UNC5D: variants seen among roughly 807,000 people sequenced by gnomAD.
The protein encoded by UNC5D is netrin receptor UNC5D.
UNC5D carries 39 observed loss-of-function variants against 105.4 expected under a neutral mutation model. That is an observed-to-expected ratio of 0.37 (90% CI 0.29 to 0.48). The LOEUF is 0.48. Among genes scored for constraint, UNC5D ranks in the 20% least tolerant of loss-of-function variants. UNC5D has a pLI of 0.98. For synonymous variants in UNC5D, 452 were observed against 450.4 expected (o/e 1.00, Z -0.04); for missense variants, 991 against 1,202.4 (o/e 0.82, Z 2.60).
intron 1 of UNC5D, among the ~76,000 whole-genome samples, chr8:35,448,854 A>C (rs2128989438): frequency 6.6e-6 from 1 of 152,274 alleles, no homozygotes; most frequent in Non-Finnish European, 1.5e-5. Context: ...ATAAGTGAGA[A>C]CATGCAGTAT....
intron 1 of UNC5D, among the ~76,000 whole-genome samples, chr8:35,282,301 C>G (rs1394962513): frequency 6.6e-6 from 1 of 152,102 alleles, no homozygotes; most frequent in Non-Finnish European, 1.5e-5. Context: ...TTTCTTTGTA[C>G]CTGTTTACTG....
At chr8:35,361,572 C>T (rs1015906341) in intron 1 of UNC5D, among the ~76,000 whole-genome samples, 1 of 152,146 alleles carries the variant, frequency 6.6e-6, no homozygotes, top group Non-Finnish European at 1.5e-5. Flanking sequence ...GGGGTATTGA[C>T]TGTCATTGAC....
At chr8:35,333,127 T>C (rs879755505) in intron 1 of UNC5D, among the ~76,000 whole-genome samples, 2 of 152,090 alleles carry the variant, frequency 1.3e-5, no homozygotes, top group African/African-American at 2.4e-5. Flanking sequence ...GTGAGAGGAC[T>C]GCCTGAGGCC....
At chr8:35,311,218 T>A (rs1808854914) in intron 1 of UNC5D, among the ~76,000 whole-genome samples, 1 of 152,156 alleles carries the variant, frequency 6.6e-6, no homozygotes, top group African/African-American at 2.4e-5. Context: ...GAAGTGGGAA[T>A]GTGTGCAGGG....
In UNC5D at chr8:35,637,297, A is replaced by C. The variant is rs56065198; in HGVS notation, c.570+41640A>C. On this transcript the variant is annotated intron_variant, in intron 4 of 16. Coordinates refer to ENST00000404895, the MANE Select transcript of UNC5D (RefSeq NM_080872.4). ...TAGGGTCACAAAGAGACTCTAGCAC[A>C]ACTAGGATCAATTGTCATACCAATC... Among the ~76,000 whole-genome samples, 882 of 152,324 alleles carry C rather than the reference A, an allele frequency of 5.8e-3. 9 individuals are homozygous for C. Among genetic ancestry groups the C allele is most frequent in the Middle Eastern group, 0.017 (5 of 294 alleles).
intron 3 of UNC5D, among the ~76,000 whole-genome samples, chr8:35,591,418 A>G (rs1430858173): frequency 6.6e-6 from 1 of 152,160 alleles, no homozygotes; most frequent in Non-Finnish European, 1.5e-5. Context: ...GTTAAAATTA[A>G]CAGTTTCAAC....
Position 35,765,885 on chromosome 8 carries a change from A to G in UNC5D, c.2314-1017A>G, listed in dbSNP as rs142915641. On this transcript the variant is annotated intron_variant, in intron 14 of 16. Transcript: ENST00000404895. ...GCAATAGGTAAAGGAGCAAACTAAT[A>G]AGGTGAGAAATAGAGAAAAAAGTGA... is the stretch of plus-strand genomic sequence containing the variant. Among the ~76,000 whole-genome samples the G allele has an allele frequency of 6.2e-4, 95 of 152,314 alleles. No individual in the cohort carries two copies. The East Asian group carries it at 0.018, about 28-fold the overall frequency.
intron 1 of UNC5D, among the ~76,000 whole-genome samples, chr8:35,286,176 A>G (rs1030982412): frequency 6.6e-6 from 1 of 152,210 alleles, no homozygotes; most frequent in Non-Finnish European, 1.5e-5. Flanking sequence ...CAATCAATAT[A>G]TATGACTTTA....
chr8:35,708,069 A>C (rs754170660), intron 8 of UNC5D, among the ~76,000 whole-genome samples: 4 of 152,156 alleles, frequency 2.6e-5, no homozygotes, highest in Non-Finnish European at 5.9e-5. Flanking sequence ...ATGAATCATC[A>C]CTAATGCAAA....
chr8:35,587,557 G>A (rs1304358102), intron 3 of UNC5D, among the ~76,000 whole-genome samples: 2 of 152,112 alleles, frequency 1.3e-5, no homozygotes, highest in African/African-American at 4.8e-5. Context: ...CAGAACCAGT[G>A]AAAAGTTTTG....
At chr8:35,316,028 T>G (rs902142057) in intron 1 of UNC5D, among the ~76,000 whole-genome samples, 2 of 152,236 alleles carry the variant, frequency 1.3e-5, no homozygotes, top group Admixed American at 6.5e-5. Context: ...TCGAGCTACA[T>G]GATGGAGAAT....
chr8:35,454,223 G>T (rs569822835), intron 1 of UNC5D, among the ~76,000 whole-genome samples: 1 of 152,224 alleles, frequency 6.6e-6, no homozygotes, highest in Admixed American at 6.5e-5. Context: ...TTAGCTGGGG[G>T]AGGGGGAAGT....
intron 1 of UNC5D, among the ~76,000 whole-genome samples, chr8:35,305,597 C>CTTTCTTTCTTTCTTTCTTTCTTTCTTTCA (rs1808313689): frequency 1.6e-4 from 14 of 86,786 alleles, no homozygotes; most frequent in African/African-American, 3.9e-4. Flanking sequence ...TTCTTTCTTT[C>CTTTCTTTCTTTCTTTCTTTCTTTCTTTCA]TTTCTTTCTT....
At chr8:35,494,127 C>G (rs984704236) in intron 1 of UNC5D, among the ~76,000 whole-genome samples, 1 of 152,076 alleles carries the variant, frequency 6.6e-6, no homozygotes, top group African/African-American at 2.4e-5. Flanking sequence ...TGCACTTCAG[C>G]TGTCTCTTTC....
intron 1 of UNC5D, among the ~76,000 whole-genome samples, chr8:35,468,226 C>T (rs542998354): frequency 2.0e-5 from 3 of 152,236 alleles, no homozygotes; most frequent in African/African-American, 7.2e-5. Flanking sequence ...AGCATGTGCA[C>T]GTGAAGACAC....
intron 2 of UNC5D, among the ~76,000 whole-genome samples, chr8:35,554,003 A>G (rs1235485631): frequency 6.6e-6 from 1 of 152,210 alleles, no homozygotes; most frequent in Admixed American, 6.5e-5. Context: ...TCTTTGGACA[A>G]CATATTCTCC....
intron 8 of UNC5D, among the ~76,000 whole-genome samples, chr8:35,716,398 T>G (rs773773641): frequency 1.1e-4 from 16 of 152,170 alleles, no homozygotes; most frequent in Non-Finnish European, 1.5e-4. Context: ...AGTCACACAG[T>G]GTGATCAGGA....
At chr8:35,384,225 A>C (rs1240719765) in intron 1 of UNC5D, among the ~76,000 whole-genome samples, 4 of 151,808 alleles carry the variant, frequency 2.6e-5, no homozygotes. Flanking sequence ...TTTCAAAAAA[A>C]AAAAACAAAA....
intron 1 of UNC5D, among the ~76,000 whole-genome samples, chr8:35,485,997 A>T (rs1297912053): frequency 6.6e-6 from 1 of 152,142 alleles, no homozygotes; most frequent in East Asian, 1.9e-4. Flanking sequence ...CATGGGGTCT[A>T]GCTGACTATT....
Sources: gnomAD v4.1 joint callset for allele counts (sites outside exome capture counted in the v4.1 genomes callset) on GRCh38, gnomAD v4.1.1 for gene constraint, MANE v1.5 for transcripts, NCBI Gene and HGNC (gene_info 2026-07-23, HGNC 2026-07-21) for gene names.